Variants in NFIA observed in about 807,000 individuals in gnomAD.
NFIA encodes nuclear factor I A, also known as nuclear factor 1 A-type.
In NFIA, 8 loss-of-function variants were observed where a neutral mutation model predicts 62.8. The ratio of observed to expected loss-of-function variants is 0.13; its 90% CI spans 0.07 to 0.23. The LOEUF (loss-of-function observed/expected upper bound fraction) is 0.23. NFIA is among the 10% of genes least tolerant of loss of function. The pLI is 1.00. For synonymous variants in NFIA, 235 were observed against 238.1 expected (o/e 0.99, Z 0.12); for missense variants, 410 against 642.1 (o/e 0.64, Z 3.91).
intron 3 of NFIA, among the ~76,000 whole-genome samples, chr1:61,320,398 T>A (rs1660619509): frequency 6.6e-6 from 1 of 152,204 alleles, no homozygotes; most frequent in Admixed American, 6.5e-5. Flanking sequence ...CGATAACTAA[T>A]TACTGGGTAA....
chr1:61,237,687 A>G (rs965756651), intron 2 of NFIA, among the ~76,000 whole-genome samples: 2 of 152,230 alleles, frequency 1.3e-5, no homozygotes, highest in South Asian at 4.1e-4. Flanking sequence ...TTCAAGATGC[A>G]CTATTTTGTG....
chr1:61,153,848 T>C (rs1172794809), intron 2 of NFIA, among the ~76,000 whole-genome samples: 1 of 152,224 alleles, frequency 6.6e-6, no homozygotes, highest in Non-Finnish European at 1.5e-5. Context: ...GTCTCCTTAT[T>C]GGTCAGCTTA....
At chr1:61,185,356 A>G (rs1275960340) in intron 2 of NFIA, among the ~76,000 whole-genome samples, 1 of 152,186 alleles carries the variant, frequency 6.6e-6, no homozygotes, top group Non-Finnish European at 1.5e-5. Flanking sequence ...GAAATTTGTC[A>G]ATCAAAAGGA....
chr1:61,439,263 G>T (rs2100571974), intron 10 of NFIA, among the ~76,000 whole-genome samples: 1 of 152,152 alleles, frequency 6.6e-6, no homozygotes. Flanking sequence ...CAGAGTGGCT[G>T]GTACAGTAAT....
chr1:61,296,434 T>G (rs1217502684), intron 3 of NFIA, among the ~76,000 whole-genome samples: 3 of 152,212 alleles, frequency 2.0e-5, no homozygotes, highest in Non-Finnish European at 4.4e-5. Context: ...CAAAATAGGC[T>G]TAAACCACAA....
chr1:61,351,882 T>A (rs1019555658), intron 4 of NFIA, among the ~76,000 whole-genome samples: 1 of 152,224 alleles, frequency 6.6e-6, no homozygotes, highest in Non-Finnish European at 1.5e-5. Context: ...CGTAAAACTT[T>A]ATTCATAAAA....
chr1:61,194,345 A>G (rs1021388640), intron 2 of NFIA, among the ~76,000 whole-genome samples: 11 of 152,186 alleles, frequency 7.2e-5, no homozygotes, highest in African/African-American at 2.2e-4. Context: ...TCTGAAAGAC[A>G]CCATGTCTCA....
chr1:61,221,606 A>G (rs1176111993), intron 2 of NFIA, among the ~76,000 whole-genome samples: 4 of 152,170 alleles, frequency 2.6e-5, no homozygotes, highest in Non-Finnish European at 1.5e-5. Context: ...AAGTGAAGAT[A>G]AATGGTGGAT....
intron 2 of NFIA, among the ~76,000 whole-genome samples, chr1:61,137,452 A>G (rs769381455): frequency 6.6e-6 from 1 of 152,208 alleles, no homozygotes; most frequent in Non-Finnish European, 1.5e-5. Context: ...TATGTTCATA[A>G]CTTGTAAGAT....
At chr1:61,317,538 G>C (rs1314697258) in intron 3 of NFIA, among the ~76,000 whole-genome samples, 1 of 151,844 alleles carries the variant, frequency 6.6e-6, no homozygotes, top group African/African-American at 2.4e-5. Context: ...ACTAAGTACT[G>C]TTATTTCTCA....
intron 2 of NFIA, among the ~76,000 whole-genome samples, chr1:61,262,795 G>A (rs977319292): frequency 3.9e-5 from 6 of 152,266 alleles, no homozygotes; most frequent in Middle Eastern, 3.4e-3. Context: ...GTCTCCTTAT[G>A]GAATTATGTG....
At chr1:61,265,318 C>T (rs1309768674) in intron 2 of NFIA, among the ~76,000 whole-genome samples, 2 of 152,150 alleles carry the variant, frequency 1.3e-5, no homozygotes, top group African/African-American at 2.4e-5. Context: ...CTTAGCACTG[C>T]ATATGTCAGG....
At chr1:61,443,966 C>G in intron 10 of NFIA, among the ~76,000 whole-genome samples, 1 of 152,222 alleles carries the variant, frequency 6.6e-6, no homozygotes, top group East Asian at 1.9e-4. Flanking sequence ...TTCTTCCTCT[C>G]TGATGCACCT....
chr1:61,117,403 A>G (rs1022338321), intron 2 of NFIA, among the ~76,000 whole-genome samples: 5 of 152,046 alleles, frequency 3.3e-5, no homozygotes, highest in African/African-American at 9.7e-5. Context: ...TGGTGTCCCT[A>G]ATACCATTTT....
intron 4 of NFIA, among the ~76,000 whole-genome samples, chr1:61,345,378 A>T (rs1198504993): frequency 6.6e-6 from 1 of 152,184 alleles, no homozygotes; most frequent in Non-Finnish European, 1.5e-5. Context: ...TGTACACAAA[A>T]CTGGTCAAAG....
rs113636598 is a variant in NFIA at position 61,189,372 on chromosome 1, G to T, written c.560-88148G>T. On this transcript the variant is annotated intron_variant, in intron 2 of 10. Transcript: ENST00000403491. ...TTTGGAGAGAGTGCTCTAGAGTGTGGTTAAAAGTCATTGGCTGGGTGCAGT... is the reference window on the plus strand; with the variant it reads ...TTTGGAGAGAGTGCTCTAGAGTGTGTTTAAAAGTCATTGGCTGGGTGCAGT... Among the ~76,000 whole-genome samples, 331 of 152,154 alleles carry T rather than the reference G, an allele frequency of 2.2e-3. 1 individual carries two copies. The highest frequency in any genetic ancestry group is 4.0e-3 in the Non-Finnish European group (275 of 67,976).
At chr1:61,316,742 T>G (rs1250700979) in intron 3 of NFIA, among the ~76,000 whole-genome samples, 1 of 152,200 alleles carries the variant, frequency 6.6e-6, no homozygotes, top group East Asian at 1.9e-4. Flanking sequence ...GATCATAAAG[T>G]GCTTCAATGA....
chr1:61,220,131 T>C (rs535165368), intron 2 of NFIA, among the ~76,000 whole-genome samples: 1 of 152,334 alleles, frequency 6.6e-6, no homozygotes, highest in Non-Finnish European at 1.5e-5. Context: ...GAAGAACTCC[T>C]TGGGTCTTAA....
At chr1:61,150,616 G>C (rs1310229962) in intron 2 of NFIA, among the ~76,000 whole-genome samples, 2 of 152,114 alleles carry the variant, frequency 1.3e-5, no homozygotes, top group Non-Finnish European at 2.9e-5. Context: ...GACTTCTTAG[G>C]GGTATCGATA....
Sources: gnomAD v4.1 joint callset for allele counts (sites outside exome capture counted in the v4.1 genomes callset) on GRCh38, gnomAD v4.1.1 for gene constraint, MANE v1.5 for transcripts, NCBI Gene and HGNC (gene_info 2026-07-23, HGNC 2026-07-21) for gene names.